The following C12orf42 variants were observed in gnomAD, a reference collection of about 807,000 sequenced individuals.
C12orf42 encodes chromosome 12 open reading frame 42.
A neutral mutation model predicts 21.6 loss-of-function variants in C12orf42; 25 were observed. That is an observed-to-expected ratio of 1.16 (90% CI 0.84 to 1.62). The LOEUF is 1.62. Among genes scored for constraint, C12orf42 ranks in the 40% most tolerant of loss-of-function variants. C12orf42 has a pLI of 0.00. For missense variants in C12orf42, 483 were observed against 459.3 expected (o/e 1.05, Z -0.47); for synonymous variants, 174 against 175.0 (o/e 0.99, Z 0.05).
At chr12:103,536,884 CCTT>C in the C12orf42 span, among the ~76,000 whole-genome samples, 1 of 152,256 alleles carries the variant, frequency 6.6e-6, no homozygotes, top group Admixed American at 6.5e-5. Flanking sequence ...TTCCTATCCC[CCTT>C]TTTTATTTTT....
At chr12:103,539,991 C>T in the C12orf42 span, among the ~76,000 whole-genome samples, 24 of 127,002 alleles carry the variant, frequency 1.9e-4, no homozygotes, top group Non-Finnish European at 3.6e-5. Context: ...GCCATGAGGT[C>T]GTTTTTTGTT....
At chr12:103,485,924 A>G (rs1954801688) in intron 1 of C12orf42, among the ~76,000 whole-genome samples, 1 of 152,156 alleles carries the variant, frequency 6.6e-6, no homozygotes, top group East Asian at 1.9e-4. Context: ...GCAAACAGGG[A>G]CAATTTGACT....
downstream of C12orf42, among the ~76,000 whole-genome samples, chr12:103,299,021 G>T (rs10778229): frequency 0.29 from 43,985 of 151,928 alleles, 6,594 homozygotes; most frequent in South Asian, 0.39. Context: ...ATAAGTAGAG[G>T]CTCTATTCTC....
At chr12:103,194,142 A>C in the C12orf42 span, among the ~76,000 whole-genome samples, 27 of 150,530 alleles carry the variant, frequency 1.8e-4, no homozygotes, top group Middle Eastern at 0.01. Context: ...AAAAAAAAAA[A>C]CTCAAAAAAT....
At chr12:103,399,022 C>G (rs2047763310) in intron 3 of C12orf42, among the ~76,000 whole-genome samples, 1 of 151,940 alleles carries the variant, frequency 6.6e-6, no homozygotes, top group Admixed American at 6.6e-5. Context: ...TGCATACTAT[C>G]TCTTCATTTA....
At chr12:103,174,730 A>G in the C12orf42 span, among the ~76,000 whole-genome samples, 1 of 152,182 alleles carries the variant, frequency 6.6e-6, no homozygotes, top group African/African-American at 2.4e-5. Flanking sequence ...AAAACTAGAA[A>G]GCATACCTAA....
intron 3 of C12orf42, among the ~76,000 whole-genome samples, chr12:103,371,249 C>A (rs1366466313): frequency 2.0e-5 from 3 of 152,024 alleles, no homozygotes; most frequent in African/African-American, 7.2e-5. Context: ...TGCCTCAAAC[C>A]AGAAAAAAAG....
In C12orf42 at chr12:103,367,068, C is replaced by T. The variant is rs550243225; in HGVS notation, c.259+1819G>A. 1.3e-4 allele frequency among the ~76,000 whole-genome samples: 20 copies of T among 151,766 alleles called. No individual in the cohort carries two copies. The East Asian group carries it at 2.3e-3, about 18-fold the overall frequency. ...ACCAGCCCAAATGTCCATCAATCAA[C>T]GGGTGGATAAACCGTGATATATATA... On this transcript the variant is annotated intron_variant, in intron 4 of 5. Transcript: ENST00000548883.
chr12:103,236,028 A>T (rs1177045717), downstream of C12orf42, among the ~76,000 whole-genome samples: 1 of 152,180 alleles, frequency 6.6e-6, no homozygotes, highest in Non-Finnish European at 1.5e-5. Context: ...CCCAGTTACC[A>T]TTGAGGAAAT....
At chr12:103,181,796 C>T in the C12orf42 span, among the ~76,000 whole-genome samples, 1 of 151,170 alleles carries the variant, frequency 6.6e-6, no homozygotes, top group African/African-American at 2.4e-5. Flanking sequence ...AAGATATCCA[C>T]TCATCTATAA....
intron 10 of C12orf42, among the ~76,000 whole-genome samples, chr12:103,261,004 C>T (rs562223211): frequency 6.6e-6 from 1 of 152,164 alleles, no homozygotes; most frequent in East Asian, 1.9e-4. Flanking sequence ...TATAACACCT[C>T]CTGCAAAATT....
the C12orf42 span, among the ~76,000 whole-genome samples, chr12:103,143,364 A>G: frequency 1.3e-5 from 2 of 152,330 alleles, no homozygotes; most frequent in East Asian, 1.9e-4. Flanking sequence ...GAGGATCTGG[A>G]GGAGGCCAGG....
chr12:103,293,631 G>T (rs2036962876), intron 4 of C12orf42, among the ~76,000 whole-genome samples: 1 of 152,086 alleles, frequency 6.6e-6, no homozygotes, highest in African/African-American at 2.4e-5. Flanking sequence ...CCTCCAGGCT[G>T]GTTGAGTTCA....
chr12:103,090,286 C>T, the C12orf42 span, among the ~76,000 whole-genome samples: 2 of 152,068 alleles, frequency 1.3e-5, no homozygotes, highest in Admixed American at 6.6e-5. Context: ...ATGGCTATGG[C>T]ACCTTGTGAC....
chr12:103,334,199 C>CA (rs1171264999), intron 4 of C12orf42, among the ~76,000 whole-genome samples: 1 of 152,058 alleles, frequency 6.6e-6, no homozygotes, highest in Non-Finnish European at 1.5e-5. Flanking sequence ...CTCTGAAGAA[C>CA]AAAAAAATTA....
chr12:103,393,205 C>A (rs2047221595), intron 3 of C12orf42, among the ~76,000 whole-genome samples: 1 of 152,108 alleles, frequency 6.6e-6, no homozygotes, highest in Non-Finnish European at 1.5e-5. Flanking sequence ...GCAGGCTGTA[C>A]AGGATGCATG....
chr12:103,308,215 A>T (rs2038570306), intron 4 of C12orf42, among the ~76,000 whole-genome samples: 1 of 152,236 alleles, frequency 6.6e-6, no homozygotes, highest in African/African-American at 2.4e-5. Flanking sequence ...AACACTTGAC[A>T]AATATTGAAC....
the C12orf42 span, among the ~76,000 whole-genome samples, chr12:103,147,623 C>CTCTT: frequency 2.5e-4 from 25 of 99,282 alleles, no homozygotes; most frequent in East Asian, 3.2e-3. Context: ...TTCTCTCTCT[C>CTCTT]TTTTTTTTTT....
In C12orf42 at chr12:103,314,065, A is replaced by G. The variant is rs77901114; in HGVS notation, c.260-7720T>C. 2.8e-3 allele frequency among the ~76,000 whole-genome samples: 426 copies of G among 152,360 alleles called. 3 individuals are homozygous for G. The highest frequency in any genetic ancestry group is 6.8e-3 in the Middle Eastern group (2 of 294). On this transcript the variant is annotated intron_variant, in intron 4 of 5. Coordinates refer to ENST00000548883, the MANE Select transcript of C12orf42 (RefSeq NM_198521.5). ...TGAAGATGATACTCAATCTGAGACTAGCCTGAAGGCTGAAAAGGGCTTAGT... is the reference window on the plus strand; with the variant it reads ...TGAAGATGATACTCAATCTGAGACTGGCCTGAAGGCTGAAAAGGGCTTAGT...
Sources: gnomAD v4.1 joint callset for allele counts (sites outside exome capture counted in the v4.1 genomes callset) on GRCh38, gnomAD v4.1.1 for gene constraint, MANE v1.5 for transcripts, NCBI Gene and HGNC (gene_info 2026-07-23, HGNC 2026-07-21) for gene names.